PDE4DIP: variants seen among roughly 807,000 people sequenced by gnomAD.
The protein encoded by PDE4DIP is myomegalin.
Under a neutral mutation model 221.4 loss-of-function variants are expected in PDE4DIP, and 59 were observed. The ratio of observed to expected loss-of-function variants is 0.27; its 90% CI spans 0.22 to 0.33. The LOEUF (loss-of-function observed/expected upper bound fraction) is 0.33. Ranked by LOEUF, PDE4DIP falls within the 10% of genes least tolerant of loss-of-function variation. The pLI is 1.00. For synonymous variants in PDE4DIP, 404 were observed against 815.9 expected, an observed-to-expected ratio of 0.50 and a Z score of 8.60; for missense variants, 1,036 against 2,154.2, an observed-to-expected ratio of 0.48 and a Z score of 10.28.
chr1:149,031,001 A>G (rs1179092562), intron 43 of PDE4DIP: 1 of 327,626 alleles, frequency 3.1e-6, no homozygotes, highest in East Asian at 1.7e-4. Flanking sequence ...AAGCTTTGCC[A>G]TAAGCAATTC....
rs1174500539 is a variant in PDE4DIP, at chr1:148,902,001, CT to C, written c.141+12108del. On this transcript the variant is annotated intron_variant, in intron 1 of 43. Transcript: ENST00000369354. ...TTGCCAAGGTTGAGGACACGTGCCC[CT>C]GGCATAGCCTCAGGAAGTCTTTATG... is the stretch of plus-strand genomic sequence containing the variant. Among the ~76,000 whole-genome samples, 58 of 95,648 alleles carry C rather than the reference CT, an allele frequency of 6.1e-4. 2 individuals are homozygous for C. The highest frequency in any genetic ancestry group is 4.8e-3 in the Admixed American group (41 of 8,476). 62.7% of individuals were successfully genotyped at this position (95,648 alleles called of 152,430 possible). A position where few individuals can be genotyped will look rare whatever the true frequency, so the allele number is the denominator to read the frequency against.
At position 148,950,045 on chromosome 1, in the gene PDE4DIP, T is replaced by C. The variant is rs587769126; in HGVS notation, c.637-10609T>C. Among the ~76,000 whole-genome samples the C allele has an allele frequency of 3.9e-5, 6 of 152,214 alleles. No homozygotes were observed. In the East Asian group the frequency reaches 1.2e-3, roughly 29 times the overall value. ...TATACTGTCATTACAATTTGGAGAC[T>C]ATCAGTTAGATGCAAAATCCTTTTG... On this transcript the variant is annotated intron_variant, in intron 5 of 43. Transcript: ENST00000369354.
intron 21 of PDE4DIP, 34 bp downstream of exon 24, chr1:148,981,431 A>C (rs1271641390): frequency 6.2e-7 from 1 of 1,613,352 alleles, no homozygotes; most frequent in African/African-American, 1.3e-5. Context: ...ATTCATCACA[A>C]GCATGCCTAC....
At position 148,922,788 on chromosome 1, in the gene PDE4DIP, C is replaced by T. The variant is rs1248358226; in HGVS notation, c.142-6409C>T. On this transcript the variant is annotated intron_variant, in intron 1 of 43. Coordinates refer to ENST00000369354, the Ensembl canonical transcript of PDE4DIP. ...ATTTTTAGTAGAGACGGGGTTTCACCGTGTTAGCCAGGATGGTCTCATTTC... is the reference window on the plus strand; with the variant it reads ...ATTTTTAGTAGAGACGGGGTTTCACTGTGTTAGCCAGGATGGTCTCATTTC... Among the ~76,000 whole-genome samples, 11 of 150,574 alleles carry T rather than the reference C, an allele frequency of 7.3e-5. 1 individual carries two copies. Among genetic ancestry groups the T allele is most frequent in the African/African-American group, 1.2e-4 (5 of 40,942 alleles).
At chr1:148,995,845 TA>T (rs1369811857) in intron 22 of PDE4DIP, among the ~76,000 whole-genome samples, 3 of 144,868 alleles carry the variant, frequency 2.1e-5, no homozygotes, top group Non-Finnish European at 4.5e-5. Context: ...ACATGTACCC[TA>T]AAACTTAAAG....
At position 149,012,574 on chromosome 1, in the gene PDE4DIP, T is replaced by C. The variant is rs2068900049; in HGVS notation, c.5081-17T>C. 4 of 1,570,358 alleles carry C rather than the reference T, an allele frequency of 2.5e-6. No individual in the cohort carries two copies. The highest frequency in any genetic ancestry group is 1.2e-5 in the South Asian group (1 of 85,036). ...CTTGATGATGTGTCTCTTTTCTCCT[T>C]AACTTTCTTTTCCTAGGCTTTCATT... On this transcript the variant is annotated splice_polypyrimidine_tract_variant and intron_variant, in intron 31 of 43. Transcript: ENST00000369354.
At chr1:149,023,936 G>C (rs63449460) in intron 37 of PDE4DIP, among the ~76,000 whole-genome samples, 1 of 145,256 alleles carries the variant, frequency 6.9e-6, no homozygotes, top group South Asian at 2.2e-4. Context: ...CATATATATA[G>C]AGAGAGAGAG....
chr1:148,981,801 C>A (rs587602667), intron 21 of PDE4DIP: 1 of 205,596 alleles, frequency 4.9e-6, no homozygotes, highest in African/African-American at 2.3e-5. Context: ...TTCATATGTT[C>A]CATATCATAT....
intron 16 of PDE4DIP, among the ~76,000 whole-genome samples, chr1:148,972,881 C>T (rs587765554): frequency 7.2e-4 from 98 of 135,686 alleles, no homozygotes; most frequent in African/African-American, 2.6e-3. Context: ...CAATCCTGCA[C>T]AGCAGGGCCA....
intron 34 of PDE4DIP, 146 bp downstream of exon 37, chr1:149,018,025 T>G: frequency 1.5e-6 from 1 of 676,328 alleles, no homozygotes; most frequent in Non-Finnish European, 2.6e-6. Flanking sequence ...TTTCTGAATA[T>G]ATCTGAGTTT....
intron 1 of PDE4DIP, among the ~76,000 whole-genome samples, chr1:148,919,577 C>A (rs1456516550): frequency 2.6e-5 from 4 of 151,846 alleles, no homozygotes; most frequent in Non-Finnish European, 5.9e-5. Context: ...AGAGTTATGA[C>A]CTTGCCCCAT....
chr1:148,956,314 T>C (rs2151482595), intron 5 of PDE4DIP, among the ~76,000 whole-genome samples: 1 of 152,188 alleles, frequency 6.6e-6, no homozygotes, highest in South Asian at 2.1e-4. Flanking sequence ...CCACTTACCA[T>C]ATTTTATGCA....
At position 149,030,291 on chromosome 1, in the gene PDE4DIP, C is replaced by G; in HGVS notation, c.6999+13C>G. On this transcript the variant is annotated intron_variant, in intron 43 of 43. Coordinates refer to ENST00000369354, the Ensembl canonical transcript of PDE4DIP. ...GACTAACTTAGAGGTAAGGAAACTA[C>G]TGCACCAGTCAGAGGCACCAAGCCT... is the stretch of plus-strand genomic sequence containing the variant. The G allele has an allele frequency of 6.5e-7, 1 of 1,529,686 alleles. No individual in the cohort carries two copies. The highest frequency in any genetic ancestry group is 8.9e-7 in the Non-Finnish European group (1 of 1,127,716). 94.8% of individuals were successfully genotyped at this position (1,529,686 alleles called of 1,614,324 possible). A position where few individuals can be genotyped will look rare whatever the true frequency, so the allele number is the denominator to read the frequency against.
intron 1 of PDE4DIP, among the ~76,000 whole-genome samples, chr1:148,922,760 TG>T (rs2150220332): frequency 6.7e-6 from 1 of 149,150 alleles, no homozygotes; most frequent in Non-Finnish European, 1.5e-5. Context: ...GCTAATTTTT[TG>T]TATTTTTAGT....
intron 3 of PDE4DIP, among the ~76,000 whole-genome samples, chr1:148,882,216 CT>C: frequency 8.1e-6 from 1 of 122,838 alleles, no homozygotes; most frequent in East Asian, 2.3e-4. Context: ...ATAAGCTGGG[CT>C]CCTGGTTGTA....
intron 5 of PDE4DIP, among the ~76,000 whole-genome samples, chr1:148,951,151 T>C (rs183457879): frequency 6.6e-6 from 1 of 152,070 alleles, no homozygotes. Flanking sequence ...ATGGACTCTG[T>C]CCTGGGGATG....
chr1:148,975,647 T>C (rs1468242532), intron 17 of PDE4DIP, among the ~76,000 whole-genome samples: 2 of 152,090 alleles, frequency 1.3e-5, no homozygotes, highest in Non-Finnish European at 2.9e-5. Context: ...GAGATTCCCT[T>C]CCCCCTGCCT....
In PDE4DIP at chr1:148,951,139, G is replaced by C. The variant is rs1778097; in HGVS notation, c.637-9515G>C. Among the ~76,000 whole-genome samples, 6 of 149,026 alleles carry C rather than the reference G, an allele frequency of 4.0e-5. No individual in the cohort carries two copies. In the East Asian group the frequency reaches 8.1e-4, roughly 20 times the overall value. ...CATTTGGATGTCTTCAGGCTTAGGA[G>C]TATGGACTCTGTCCTGGGGATGAGG... On this transcript the variant is annotated intron_variant, in intron 5 of 43. Coordinates refer to ENST00000369354, the Ensembl canonical transcript of PDE4DIP.
chr1:148,929,547 T>A, intron 2 of PDE4DIP: 1 of 379,020 alleles, frequency 2.6e-6, no homozygotes, highest in Admixed American at 4.2e-5. Context: ...AAACAGTGAA[T>A]GTTTCCACTT....
Sources: gnomAD v4.1 joint callset for allele counts (sites outside exome capture counted in the v4.1 genomes callset) on GRCh38, gnomAD v4.1.1 for gene constraint, MANE v1.5 for transcripts, NCBI Gene and HGNC (gene_info 2026-07-23, HGNC 2026-07-21) for gene names.